The following ROR1 variants were observed in gnomAD, a reference collection of about 807,000 sequenced individuals.
ROR1 encodes ROR family WNT receptor 1.
ROR1 carries 19 observed loss-of-function variants against 78.8 expected under a neutral mutation model. The observed-to-expected ratio is 0.24, with a 90% CI of 0.17 to 0.35. The LOEUF (loss-of-function observed/expected upper bound fraction) is 0.35, where lower values mean the gene tolerates loss of function less well. ROR1 is among the 10% of genes least tolerant of loss of function. The probability of loss-of-function intolerance (pLI) is 1.00; values close to 1 mark genes in which losing one functional copy is unlikely to be tolerated. For missense variants in ROR1, 917 were observed against 1,177.8 expected, an observed-to-expected ratio of 0.78 and a Z score of 3.24; for synonymous variants, 386 against 433.6, an observed-to-expected ratio of 0.89 and a Z score of 1.36.
intron 7 of ROR1, among the ~76,000 whole-genome samples, chr1:64,157,872 G>C (rs2100728519): frequency 6.6e-6 from 1 of 152,298 alleles, no homozygotes; most frequent in East Asian, 1.9e-4. Flanking sequence ...CTGAATGAGT[G>C]GAAGGGTAAT....
rs985867286 is a variant in ROR1 at position 63,849,184 on chromosome 1, G to A, written c.91+74676G>A. Among the ~76,000 whole-genome samples, 3 of 152,172 alleles carry A rather than the reference G, an allele frequency of 2.0e-5. No individual in the cohort carries two copies. In the South Asian group the frequency reaches 6.2e-4, roughly 32 times the overall value. ...AATGATGCCTTTCAGGCTGTCCATG[G>A]GCCCACGTTTAGAAGTGTTTTGAAT... On this transcript the variant is annotated intron_variant, in intron 1 of 8. Transcript: ENST00000371079.
chr1:63,942,870 A>G (rs543055287), intron 1 of ROR1, among the ~76,000 whole-genome samples: 1 of 152,140 alleles, frequency 6.6e-6, no homozygotes, highest in African/African-American at 2.4e-5. Context: ...CCAGAAGATC[A>G]TATGAGCCCA....
intron 8 of ROR1, among the ~76,000 whole-genome samples, chr1:64,176,754 G>C (rs1458473002): frequency 2.0e-5 from 3 of 152,252 alleles, no homozygotes; most frequent in Non-Finnish European, 4.4e-5. Flanking sequence ...CCGCATTTCA[G>C]ACCTTCCCAT....
chr1:64,116,072 G>A (rs1241779799), intron 4 of ROR1, among the ~76,000 whole-genome samples: 1 of 152,118 alleles, frequency 6.6e-6, no homozygotes, highest in Non-Finnish European at 1.5e-5. Context: ...TGGCACTGGG[G>A]ACCCAGATTT....
At chr1:64,013,213 A>G (rs1646491635) in intron 2 of ROR1, among the ~76,000 whole-genome samples, 1 of 152,156 alleles carries the variant, frequency 6.6e-6, no homozygotes, top group South Asian at 2.1e-4. Flanking sequence ...CTTGATATTA[A>G]AATATCATGC....
chr1:63,969,204 T>C (rs551916057), intron 1 of ROR1, among the ~76,000 whole-genome samples: 46 of 152,330 alleles, frequency 3.0e-4, no homozygotes, highest in African/African-American at 1.1e-3. Flanking sequence ...ATGAAGAAGA[T>C]GGAAGACTTG....
At chr1:63,846,058 C>A (rs1645078334) in intron 1 of ROR1, among the ~76,000 whole-genome samples, 2 of 151,904 alleles carry the variant, frequency 1.3e-5, no homozygotes, top group Admixed American at 6.6e-5. Context: ...GGCACCGCAA[C>A]CCACAACCTT....
intron 1 of ROR1, among the ~76,000 whole-genome samples, chr1:63,943,159 A>G (rs918584075): frequency 1.3e-5 from 2 of 151,340 alleles, no homozygotes; most frequent in Non-Finnish European, 2.9e-5. Flanking sequence ...CTCAGGACAT[A>G]TTGAATGAAT....
intron 2 of ROR1, among the ~76,000 whole-genome samples, chr1:64,012,153 T>C (rs529201791): frequency 2.0e-4 from 31 of 152,294 alleles, no homozygotes; most frequent in African/African-American, 7.5e-4. Context: ...CCATGATAAT[T>C]TGAAAACTAT....
At chr1:63,839,436 A>G (rs1645036957) in intron 1 of ROR1, among the ~76,000 whole-genome samples, 1 of 152,100 alleles carries the variant, frequency 6.6e-6, no homozygotes, top group Non-Finnish European at 1.5e-5. Context: ...ATCTGTCTGT[A>G]ATACAAATAT....
Position 64,143,122 on chromosome 1 carries a change from G to A in ROR1, c.1174+472G>A, listed in dbSNP as rs183818045. On this transcript the variant is annotated intron_variant, in intron 7 of 8. Coordinates refer to ENST00000371079, the MANE Select transcript of ROR1 (RefSeq NM_005012.4). ...AATCTGTGGGTAAACTGTGTCCTTC[G>A]TTATGTCTGTTAATACTGCAGAAGA... 4.5e-3 allele frequency: 4,497 copies of A among 1,005,758 alleles called. 15 individuals are homozygous for A. The highest frequency in any genetic ancestry group is 4.9e-3 in the Non-Finnish European group (4,081 of 840,192). The allele number at this position is 1,005,758 out of a possible 1,614,324, so 62.3% of individuals were successfully genotyped here.
At chr1:64,077,470 G>A (rs1015103868) in intron 4 of ROR1, among the ~76,000 whole-genome samples, 7 of 152,250 alleles carry the variant, frequency 4.6e-5, no homozygotes, top group African/African-American at 1.7e-4. Context: ...TGAGCTCTGT[G>A]TCTGGGAAGA....
intron 8 of ROR1, among the ~76,000 whole-genome samples, chr1:64,161,913 A>G (rs1249114572): frequency 1.3e-5 from 2 of 152,198 alleles, no homozygotes; most frequent in Admixed American, 1.3e-4. Flanking sequence ...TCCTGGAAAA[A>G]GCACAAAGGA....
At chr1:64,166,246 A>G (rs1197517142) in intron 8 of ROR1, among the ~76,000 whole-genome samples, 1 of 152,140 alleles carries the variant, frequency 6.6e-6, no homozygotes, top group African/African-American at 2.4e-5. Flanking sequence ...CTGCACCAGT[A>G]CCATGCTCTT....
chr1:63,819,318 A>G (rs998377308), intron 1 of ROR1, among the ~76,000 whole-genome samples: 1 of 152,146 alleles, frequency 6.6e-6, no homozygotes, highest in African/African-American at 2.4e-5. Context: ...TTCCTGGGGA[A>G]GAAGATGGTT....
chr1:64,025,944 A>C (rs1205002070), intron 2 of ROR1, among the ~76,000 whole-genome samples: 1 of 152,184 alleles, frequency 6.6e-6, no homozygotes, highest in Non-Finnish European at 1.5e-5. Context: ...GTGCACCAAA[A>C]TATCTCAAAT....
intron 1 of ROR1, among the ~76,000 whole-genome samples, chr1:63,933,591 G>C (rs1029828762): frequency 6.6e-6 from 1 of 152,208 alleles, no homozygotes; most frequent in African/African-American, 2.4e-5. Context: ...CTTGGGCAGA[G>C]ATACTAACAT....
At chr1:63,829,247 A>G (rs1239105239) in intron 1 of ROR1, among the ~76,000 whole-genome samples, 2 of 152,236 alleles carry the variant, frequency 1.3e-5, no homozygotes, top group African/African-American at 4.8e-5. Flanking sequence ...GATGTTGCAC[A>G]TGAAAGCTCT....
chr1:63,791,068 C>G (rs1335975278), intron 1 of ROR1, among the ~76,000 whole-genome samples: 1 of 152,104 alleles, frequency 6.6e-6, no homozygotes, highest in African/African-American at 2.4e-5. Flanking sequence ...AGGAGAGAAG[C>G]CTGGGCTGTT....
Sources: allele counts gnomAD v4.1 joint callset (sites outside exome capture counted in the v4.1 genomes callset), GRCh38; gene constraint gnomAD v4.1.1; transcripts MANE v1.5; gene names NCBI Gene and HGNC (gene_info 2026-07-23, HGNC 2026-07-21).